OR8D1: variants seen among roughly 807,000 people sequenced by gnomAD.
The protein encoded by OR8D1 is olfactory receptor 8D1.
For synonymous variants in OR8D1, 143 were observed against 147.0 expected, an observed-to-expected ratio of 0.97 and a Z score of 0.20; for missense variants, 384 against 366.8, an observed-to-expected ratio of 1.05 and a Z score of -0.38.
Position 124,310,034 on chromosome 11 carries a change from G to A in OR8D1, c.733C>T (p.Leu245Phe). 6.2e-7 allele frequency: 1 copy of A among 1,610,908 alleles called. No individual in the cohort carries two copies. The highest frequency in any genetic ancestry group is 1.1e-5 in the South Asian group (1 of 90,748). Reference protein sequence around the residue: ...SKAFGTCSSHLMAVVIFFGSI... With the variant: ...SKAFGTCSSHFMAVVIFFGSI... ...CCAAAGAAGATCACCACAGCCATGA[G>A]ATGAGAGCTGCATGTTCCAAAAGCT... Residue 245 changes from leucine (L) to phenylalanine (F), a missense_variant, in exon 3 of 3, where the codon CTC becomes TTC. Physicochemically the swap from Leu to Phe is conservative, Grantham distance 22. Transcript: ENST00000641015.
rs1358820497 is a variant in OR8D1, at chr11:124,304,643, C to T, written c.*5197G>A. 6.6e-6 allele frequency: 1 copy of T among 151,762 alleles called. No individual in the cohort carries two copies. The highest frequency in any genetic ancestry group is 1.5e-5 in the Non-Finnish European group (1 of 67,858). 9.4% of individuals were successfully genotyped at this position (151,762 alleles called of 1,614,324 possible). On this transcript the variant is annotated 3_prime_UTR_variant, in exon 3 of 3. Transcript: ENST00000641015. ...TTCTAGTGGGTGTGTAATGGTATCT[C>T]TTCATGGTTTTAATTTGAATTTTCC...
chr11:124,305,989 A>G lies in OR8D1; in HGVS notation c.*3851T>C, dbSNP rs1862366011. Reference sequence around the variant, plus strand: ...AGTACTATTTCACAAAATTATTTTAATGATACCATATTTATTCTACTGGAT... The same window carrying G: ...AGTACTATTTCACAAAATTATTTTAGTGATACCATATTTATTCTACTGGAT... On this transcript the variant is annotated 3_prime_UTR_variant, in exon 3 of 3. Coordinates refer to ENST00000641015, the MANE Select transcript of OR8D1 (RefSeq NM_001002917.2). The G allele has an allele frequency of 6.6e-6, 1 of 151,926 alleles. No homozygotes were observed. Among genetic ancestry groups the G allele is most frequent in the South Asian group, 2.1e-4 (1 of 4,824 alleles). 9.4% of individuals were successfully genotyped at this position (151,926 alleles called of 1,614,324 possible). A position where few individuals can be genotyped will look rare whatever the true frequency, so the allele number is the denominator to read the frequency against.
chr11:124,310,816 T>C (rs1348469397), intron 2 of OR8D1, 34 bp from the exon 3 acceptor site: 6 of 1,436,808 alleles, frequency 4.2e-6, no homozygotes, highest in South Asian at 2.5e-5. Context: ...TACCTTAACA[T>C]GGACCCTCAC....
rs1238639497 is a variant in OR8D1, at chr11:124,305,077, A to G, written c.*4763T>C. 1 of 151,900 alleles carries G rather than the reference A, an allele frequency of 6.6e-6. No homozygotes were observed. The allele number at this position is 151,900 out of a possible 1,614,324, so 9.4% of individuals were successfully genotyped here. ...ATTGAATCAGGTTCAGCTTTTGGAT[A>G]CAGACATCTAGTCAATCAGAACAAT... is the stretch of plus-strand genomic sequence containing the variant. On this transcript the variant is annotated 3_prime_UTR_variant, in exon 3 of 3. Coordinates refer to ENST00000641015, the MANE Select transcript of OR8D1 (RefSeq NM_001002917.2).
Position 124,309,921 on chromosome 11 carries a change from G to T in OR8D1, c.846C>A (p.Ile282=). The T allele has an allele frequency of 1.3e-6, 2 of 1,528,378 alleles. No individual in the cohort carries two copies. The highest frequency in any genetic ancestry group is 1.3e-5 in the South Asian group (1 of 75,746). 94.7% of individuals were successfully genotyped at this position (1,528,378 alleles called of 1,614,324 possible). A position where few individuals can be genotyped will look rare whatever the true frequency, so the allele number is the denominator to read the frequency against. The change falls in exon 3 of 3, where the codon ATC becomes ATA. Residue 282 remains isoleucine, a synonymous_variant. Coordinates refer to ENST00000641015, the MANE Select transcript of OR8D1 (RefSeq NM_001002917.2). ...TGTATATTAAAGGGTTCAGCATGGG[G>T]ATCACCGTGGTGTAGAACACAGAGG... ...KVSSVFYTTV[I]PMLNPLIYSL...
chr11:124,312,502 T>TTTTC (rs1245151714), intron 1 of OR8D1, among the ~76,000 whole-genome samples: 3 of 149,984 alleles, frequency 2.0e-5, no homozygotes, highest in Admixed American at 6.6e-5. Flanking sequence ...CTCAGAACAT[T>TTTTC]TTTCTTTCTT....
chr11:124,310,198 G>A lies in OR8D1; in HGVS notation c.569C>T (p.Ser190Phe). The A allele has an allele frequency of 6.2e-7, 1 of 1,613,796 alleles. No homozygotes were observed. The highest frequency in any genetic ancestry group is 8.5e-7 in the Non-Finnish European group (1 of 1,179,910). ...TAGAAGCTCATTGAGGTGTGTGTTG[G>A]AGCAGGAGAGATTGAGGAGGGGAAG... ...DVLPLLNLSCSNTHLNELLLF... is the reference protein window; with the variant it reads ...DVLPLLNLSCFNTHLNELLLF... The change falls in exon 3 of 3, where the codon TCC becomes TTC. Residue 190 changes from serine to phenylalanine, a missense_variant. Coordinates refer to ENST00000641015, the MANE Select transcript of OR8D1 (RefSeq NM_001002917.2).
In OR8D1 at chr11:124,310,231, C is replaced by T. The variant is rs541292352; in HGVS notation, c.536G>A (p.Cys179Tyr). 2.6e-4 allele frequency: 414 copies of T among 1,613,782 alleles called. 4 individuals are homozygous for T. In the South Asian group the frequency reaches 4.0e-3, roughly 16 times the overall value. ...CKSHIINHYF[C>Y]DVLPLLNLSC... ...GAGATTGAGGAGGGGAAGAACATCA[C>T]AGAAGTAATGGTTGATAATGTGGGA... is the stretch of plus-strand genomic sequence containing the variant. The change falls in exon 3 of 3, where the codon TGT becomes TAT. Residue 179 changes from cysteine to tyrosine, a missense_variant. Coordinates refer to ENST00000641015, the MANE Select transcript of OR8D1 (RefSeq NM_001002917.2).
chr11:124,305,179 A>T lies in OR8D1; in HGVS notation c.*4661T>A, dbSNP rs1047175150. On this transcript the variant is annotated 3_prime_UTR_variant, in exon 3 of 3. Coordinates refer to ENST00000641015, the MANE Select transcript of OR8D1 (RefSeq NM_001002917.2). ...GAAAATAATAAAGATAGACAATAGA[A>T]TATAGGGTACAAAGTAGGTCCCTAT... 2 of 151,962 alleles carry T rather than the reference A, an allele frequency of 1.3e-5. No homozygotes were observed. Among genetic ancestry groups the T allele is most frequent in the African/African-American group, 4.8e-5 (2 of 41,420 alleles). The allele number at this position is 151,962 out of a possible 1,614,324, so 9.4% of individuals were successfully genotyped here.
Position 124,309,283 on chromosome 11 carries a change from AT to A in OR8D1, c.*556del, listed in dbSNP as rs1276625683. On this transcript the variant is annotated 3_prime_UTR_variant, in exon 3 of 3. Transcript: ENST00000641015. ...TTTAATATACTGAGTAGAAAAAAAA[AT>A]AGTAAAAGCGATTCGAATAAGACCT... 1.1e-4 allele frequency: 16 copies of A among 152,150 alleles called. No homozygotes were observed. 9.4% of individuals were successfully genotyped at this position (152,150 alleles called of 1,614,324 possible).
rs1862366316 is a variant in OR8D1 at position 124,306,022 on chromosome 11, T to G, written c.*3818A>C. The G allele has an allele frequency of 6.6e-6, 1 of 151,948 alleles. No homozygotes were observed. Among genetic ancestry groups the G allele is most frequent in the African/African-American group, 2.4e-5 (1 of 41,422 alleles). The allele number at this position is 151,948 out of a possible 1,614,324, so 9.4% of individuals were successfully genotyped here. A position where few individuals can be genotyped will look rare whatever the true frequency, so the allele number is the denominator to read the frequency against. On this transcript the variant is annotated 3_prime_UTR_variant, in exon 3 of 3. Transcript: ENST00000641015. ...ATATTTATTCTACTGGATATCTGAATCTTACTCAAACCTATAACTTTGAAG... is the reference window on the plus strand; with the variant it reads ...ATATTTATTCTACTGGATATCTGAAGCTTACTCAAACCTATAACTTTGAAG...
chr11:124,310,356 G>A lies in OR8D1; in HGVS notation c.411C>T (p.Ser137=), dbSNP rs1295215369. ...GCACTAGCAGTGAGCAGACCCATGA[G>A]GACATGATCGCATTATAAAGCAGTG... ...CSPLLYNAIM[S]SWVCSLLVLA... Residue 137 remains serine, a synonymous_variant, in exon 3 of 3, where the codon TCC becomes TCT. Coordinates refer to ENST00000641015, the MANE Select transcript of OR8D1 (RefSeq NM_001002917.2). The A allele has an allele frequency of 3.7e-6, 6 of 1,613,582 alleles. No individual in the cohort carries two copies. Among genetic ancestry groups the A allele is most frequent in the Non-Finnish European group, 5.1e-6 (6 of 1,179,858 alleles).
chr11:124,310,216 A>G lies in OR8D1; in HGVS notation c.551T>C (p.Leu184Pro). The change falls in exon 3 of 3, where the codon CTC becomes CCC. Residue 184 changes from leucine (L) to proline (P), a missense_variant. Leu to Pro is a moderately conservative substitution (Grantham distance 98). Transcript: ENST00000641015. The stretch of plus-strand genomic sequence containing the variant: ...TGTGTTGGAGCAGGAGAGATTGAGG[A>G]GGGGAAGAACATCACAGAAGTAATG... The part of the protein sequence containing the change: ...INHYFCDVLP[L>P]LNLSCSNTHL... 6.2e-7 allele frequency: 1 copy of G among 1,613,830 alleles called. No homozygotes were observed. Among genetic ancestry groups the G allele is most frequent in the Non-Finnish European group, 8.5e-7 (1 of 1,179,896 alleles).
rs187906921 is a variant in OR8D1, at chr11:124,305,874, G to A, written c.*3966C>T. The A allele has an allele frequency of 7.9e-5, 12 of 151,782 alleles. No individual in the cohort carries two copies. The highest frequency in any genetic ancestry group is 4.6e-4 in the Admixed American group (7 of 15,202). 9.4% of individuals were successfully genotyped at this position (151,782 alleles called of 1,614,324 possible). Reference sequence around the variant, plus strand: ...GAAAGAATGTCTGTTAAAGCACTACGGATTTTTCATTCAAGCCGTCATACA... The same window carrying A: ...GAAAGAATGTCTGTTAAAGCACTACAGATTTTTCATTCAAGCCGTCATACA... On this transcript the variant is annotated 3_prime_UTR_variant, in exon 3 of 3. Transcript: ENST00000641015.
In OR8D1 at chr11:124,306,182, C is replaced by T. The variant is rs986795978; in HGVS notation, c.*3658G>A. On this transcript the variant is annotated 3_prime_UTR_variant, in exon 3 of 3. Transcript: ENST00000641015. ...GGTAAAATTGTGTGGAATTATTTGG[C>T]GTATATTATTTGATATATATTATCA... The T allele has an allele frequency of 4.6e-5, 7 of 151,110 alleles. No individual in the cohort carries two copies. Among genetic ancestry groups the T allele is most frequent in the Non-Finnish European group, 8.9e-5 (6 of 67,716 alleles). 9.4% of individuals were successfully genotyped at this position (151,110 alleles called of 1,614,324 possible).
At position 124,309,742 on chromosome 11, in the gene OR8D1, A is replaced by T. The variant is rs138652297; in HGVS notation, c.*98T>A. ...AAAGTATTTTTAAAATCTAGATATTATGTATGTTACAACAGAAGAACATGA... is the reference window on the plus strand; with the variant it reads ...AAAGTATTTTTAAAATCTAGATATTTTGTATGTTACAACAGAAGAACATGA... On this transcript the variant is annotated 3_prime_UTR_variant, in exon 3 of 3. Coordinates refer to ENST00000641015, the MANE Select transcript of OR8D1 (RefSeq NM_001002917.2). The T allele has an allele frequency of 4.1e-3, 2,449 of 595,374 alleles. 35 individuals are homozygous for T. The highest frequency in any genetic ancestry group is 2.2e-3 in the Non-Finnish European group (815 of 373,336). The allele number at this position is 595,374 out of a possible 1,614,324, so 36.9% of individuals were successfully genotyped here.
rs1862353016 is a variant in OR8D1, at chr11:124,304,676, T to A, written c.*5164A>T. 6.6e-6 allele frequency: 1 copy of A among 151,938 alleles called. No homozygotes were observed. The allele number at this position is 151,938 out of a possible 1,614,324, so 9.4% of individuals were successfully genotyped here. ...TTTTAATTTGAATTTTCCTGATGACTATTAATATTGAAATGGCCTAATGTA... is the reference window on the plus strand; with the variant it reads ...TTTTAATTTGAATTTTCCTGATGACAATTAATATTGAAATGGCCTAATGTA... On this transcript the variant is annotated 3_prime_UTR_variant, in exon 3 of 3. Coordinates refer to ENST00000641015, the MANE Select transcript of OR8D1 (RefSeq NM_001002917.2).
Position 124,307,284 on chromosome 11 carries a change from T to C in OR8D1, c.*2556A>G, listed in dbSNP as rs567877886. 6 of 152,268 alleles carry C rather than the reference T, an allele frequency of 3.9e-5. No homozygotes were observed. In the East Asian group the frequency reaches 1.2e-3, roughly 29 times the overall value. The allele number at this position is 152,268 out of a possible 1,614,324, so 9.4% of individuals were successfully genotyped here. On this transcript the variant is annotated 3_prime_UTR_variant, in exon 3 of 3. Transcript: ENST00000641015. Reference sequence around the variant, plus strand: ...GTGACATTTATTTTGCAATATTTTATAGTTTACAGTTTATGTGTAACTTTT... The same window carrying C: ...GTGACATTTATTTTGCAATATTTTACAGTTTACAGTTTATGTGTAACTTTT...
rs185084501 is a variant in OR8D1, at chr11:124,310,183, T to G, written c.584A>C (p.Asn195Thr). ...CGCAATGATAAAAAGTAGAAGCTCA[T>G]TGAGGTGTGTGTTGGAGCAGGAGAG... Reference protein sequence around the residue: ...LNLSCSNTHLNELLLFIIAGF... With the variant: ...LNLSCSNTHLTELLLFIIAGF... Residue 195 changes from asparagine (N) to threonine (T), a missense_variant, in exon 3 of 3, where the codon AAT (asparagine) becomes ACT (threonine). Coordinates refer to ENST00000641015, the MANE Select transcript of OR8D1 (RefSeq NM_001002917.2). The G allele has an allele frequency of 3.7e-6, 6 of 1,613,500 alleles. No individual in the cohort carries two copies. The Admixed American group carries it at 6.7e-5, about 18-fold the overall frequency.
Sources: gnomAD v4.1 joint callset for allele counts (sites outside exome capture counted in the v4.1 genomes callset) on GRCh38, gnomAD v4.1.1 for gene constraint, MANE v1.5 for transcripts, NCBI Gene and HGNC (gene_info 2026-07-23, HGNC 2026-07-21) for gene names.